The following SMARCA4 variants were observed in gnomAD, a reference collection of about 807,000 sequenced individuals.
SMARCA4 encodes SWI/SNF-related matrix-associated actin-dependent regulator of chromatin subfamily A member 4.
A neutral mutation model predicts 193.9 loss-of-function variants in SMARCA4; 31 were observed. The ratio of observed to expected loss-of-function variants is 0.16; its 90% confidence interval spans 0.12 to 0.22. The LOEUF is 0.22. Ranked by LOEUF, SMARCA4 falls within the 10% of genes least tolerant of loss-of-function variation. SMARCA4 has a pLI of 1.00. For synonymous variants in SMARCA4, 942 were observed against 933.1 expected (o/e 1.01, Z -0.17); for missense variants, 1,148 against 2,296.0 (o/e 0.50, Z 10.22).
chr19:11,019,302 G>A lies in SMARCA4; in HGVS notation c.2505+279G>A, dbSNP rs2089648967. ...CCTGAGATGGGGACCCAGGAAGAGG[G>A]GAGCCTGTCAGCCACCAGGAATGTG... On this transcript the variant is annotated intron_variant, in intron 17 of 34. Transcript: ENST00000344626. The surrounding 1 kb of genome is among the most constrained non-coding windows in gnomAD (Gnocchi z 6.1). 5.0e-6 allele frequency: 3 copies of A among 605,712 alleles called. No individual in the cohort carries two copies. The highest frequency in any genetic ancestry group is 1.8e-5 in the African/African-American group (1 of 54,162). 37.5% of individuals were successfully genotyped at this position (605,712 alleles called of 1,614,324 possible). A position where few individuals can be genotyped will look rare whatever the true frequency, so the allele number is the denominator to read the frequency against.
At chr19:11,014,693 C>G (rs1312595849) in intron 16 of SMARCA4, among the ~76,000 whole-genome samples, 1 of 152,212 alleles carries the variant, frequency 6.6e-6, no homozygotes, top group Non-Finnish European at 1.5e-5. Context: ...CTCAGATCAC[C>G]ATCTCTGCTG....
chr19:11,061,204 A>ATATATATAT (rs1471127800), intron 34 of SMARCA4, among the ~76,000 whole-genome samples: 4 of 45,216 alleles, frequency 8.8e-5, no homozygotes, highest in Non-Finnish European at 1.1e-4. Context: ...AAAAAAAAAA[A>ATATATATAT]ATATATATAT....
chr19:10,993,114 C>T (rs1402030638), intron 8 of SMARCA4, among the ~76,000 whole-genome samples: 1 of 151,342 alleles, frequency 6.6e-6, no homozygotes, highest in African/African-American at 2.4e-5. Flanking sequence ...GCCACCTGAG[C>T]AGCTGGAATT....
At chr19:10,993,849 G>T (rs2086772307) in intron 8 of SMARCA4, among the ~76,000 whole-genome samples, 1 of 151,762 alleles carries the variant, frequency 6.6e-6, no homozygotes, top group Admixed American at 6.6e-5. Flanking sequence ...GTTTCACCAT[G>T]TTAGCCAGGA....
chr19:10,965,813 A>T (rs538411489), intron 1 of SMARCA4, among the ~76,000 whole-genome samples: 5 of 152,114 alleles, frequency 3.3e-5, no homozygotes, highest in South Asian at 2.1e-4. Context: ...TCTTTAAAAA[A>T]TTTTTCTAAT....
rs2089013312 is a variant in SMARCA4 at position 11,013,118 on chromosome 19, T to C, written c.2438+6T>C. 1.2e-6 allele frequency: 2 copies of C among 1,613,834 alleles called. No homozygotes were observed. Among genetic ancestry groups the C allele is most frequent in the Non-Finnish European group, 8.5e-7 (1 of 1,179,932 alleles). ...CTCATCATCGTGCCTCTCTCGTGAG[T>C]ACCCGCTGCCAGCAACATCCCACAC... On this transcript the variant is annotated splice_donor_region_variant and intron_variant, in intron 16 of 34. Transcript: ENST00000344626.
intron 23 of SMARCA4, 151 bp downstream of exon 23, chr19:11,026,497 C>CTT (rs35017701): frequency 0.019 from 7,890 of 410,422 alleles, 2 homozygotes; most frequent in South Asian, 0.03. Flanking sequence ...TAATACAAAT[C>CTT]TTTTTTTTTT....
At chr19:10,971,490 CTT>C (rs59060453) in intron 1 of SMARCA4, among the ~76,000 whole-genome samples, 13 of 134,916 alleles carry the variant, frequency 9.6e-5, no homozygotes, top group South Asian at 2.4e-4. Context: ...GACATTGTGT[CTT>C]TTTTTTTTTT....
At chr19:10,961,265 C>G (rs1265452478) in intron 1 of SMARCA4, 91 bp downstream of exon 1, 2 of 148,762 alleles carry the variant, frequency 1.3e-5, no homozygotes, top group South Asian at 4.2e-4. Context: ...AGGGGGCTGC[C>G]GGCGCGCCCT....
chr19:11,055,384 A>G (rs60707335), intron 30 of SMARCA4, among the ~76,000 whole-genome samples: 14,355 of 152,078 alleles, frequency 0.094, 1,238 homozygotes, highest in African/African-American at 0.23. Context: ...GAGACGGGGT[A>G]TCACTATCTT....
At chr19:11,018,386 A>C in intron 16 of SMARCA4, 1 of 236,840 alleles carries the variant, frequency 4.2e-6, no homozygotes, top group Non-Finnish European at 8.5e-6. Flanking sequence ...CCCTCATTCC[A>C]GCCCTGGTCA....
In SMARCA4 at chr19:11,061,813, C is replaced by T. The variant is rs2147158627; in HGVS notation, c.4941C>T (p.Asp1647=). ...EDRSGSGSEE[D] Reference sequence around the variant, plus strand: ...GCTCAGGAAGTGGCAGCGAAGAAGACTGAGCCCCGACATTCCAGTCTCGAC... The same window carrying T: ...GCTCAGGAAGTGGCAGCGAAGAAGATTGAGCCCCGACATTCCAGTCTCGAC... The change falls in exon 35 of 35, where the codon GAC becomes GAT. Residue 1647 remains aspartate (D), a synonymous_variant. Transcript: ENST00000344626. The T allele has an allele frequency of 1.2e-6, 2 of 1,614,072 alleles. No individual in the cohort carries two copies. The highest frequency in any genetic ancestry group is 1.7e-6 in the Non-Finnish European group (2 of 1,180,012).
intron 30 of SMARCA4, among the ~76,000 whole-genome samples, chr19:11,042,013 T>C (rs1003736963): frequency 6.6e-6 from 1 of 152,154 alleles, no homozygotes; most frequent in African/African-American, 2.4e-5. Flanking sequence ...GGCTGGCATG[T>C]CTGGAGCAGA....
In SMARCA4 at chr19:11,012,708, C is replaced by T. The variant is rs144882478; in HGVS notation, c.2275-241C>T. 2.5e-5 allele frequency: 14 copies of T among 558,294 alleles called. No homozygotes were observed. The East Asian group carries it at 3.9e-4, about 15-fold the overall frequency. The allele number at this position is 558,294 out of a possible 1,614,324, so 34.6% of individuals were successfully genotyped here. ...CTGTTGAGATGTGTATTAGAAATGTCACACGTGTCCATCGTTCGCACAGTC... is the reference window on the plus strand; with the variant it reads ...CTGTTGAGATGTGTATTAGAAATGTTACACGTGTCCATCGTTCGCACAGTC... On this transcript the variant is annotated intron_variant, in intron 15 of 34. Transcript: ENST00000344626.
At chr19:11,023,972 C>T (rs1312401695) in intron 20 of SMARCA4, among the ~76,000 whole-genome samples, 1 of 152,226 alleles carries the variant, frequency 6.6e-6, no homozygotes, top group African/African-American at 2.4e-5. Context: ...GTTTTCAAGG[C>T]CTGCTGCAGC....
rs2145845503 is a variant in SMARCA4, at chr19:10,989,297, C to G, written c.1119-20C>G. 6.2e-7 allele frequency: 1 copy of G among 1,613,710 alleles called. No individual in the cohort carries two copies. Among genetic ancestry groups the G allele is most frequent in the East Asian group, 2.2e-5 (1 of 44,876 alleles). On this transcript the variant is annotated intron_variant, in intron 6 of 34. Transcript: ENST00000344626. ...CCTGGCAACCCTCTCACCGCCTTTGCTCCTTGTCTCTGCTCCCAGGCTGCA... is the reference window on the plus strand; with the variant it reads ...CCTGGCAACCCTCTCACCGCCTTTGGTCCTTGTCTCTGCTCCCAGGCTGCA...
At position 10,989,457 on chromosome 19, in the gene SMARCA4, T is replaced by G. The variant is rs749138449; in HGVS notation, c.1245+14T>G. ...TTCCAGAGGCAGGTGGGTGCTGGCATGGCCGCAGCTTTCCGAAAAGGGCCT... is the reference window on the plus strand; with the variant it reads ...TTCCAGAGGCAGGTGGGTGCTGGCAGGGCCGCAGCTTTCCGAAAAGGGCCT... On this transcript the variant is annotated intron_variant, in intron 7 of 34. Transcript: ENST00000344626. The G allele has an allele frequency of 1.2e-6, 2 of 1,613,676 alleles. No individual in the cohort carries two copies. The highest frequency in any genetic ancestry group is 1.7e-6 in the Non-Finnish European group (2 of 1,179,896).
At chr19:11,055,972 C>G (rs928813616) in intron 30 of SMARCA4, among the ~76,000 whole-genome samples, 8 of 152,096 alleles carry the variant, frequency 5.3e-5, no homozygotes, top group African/African-American at 1.9e-4. Flanking sequence ...TTCTGTTGCC[C>G]CTGCCTGTGC....
At position 11,060,188 on chromosome 19, in the gene SMARCA4, G is replaced by A. The variant is rs1341783002; in HGVS notation, c.4911+1G>A. ...TGACAGTGAGGAGGAACAAGAGGAG[G>A]TGAGGCCGGGCCCCCGAGCAGGCAG... On this transcript the variant is annotated splice_donor_variant, in intron 34 of 34. Transcript: ENST00000344626. LOFTEE classifies it high-confidence loss of function. 2 of 1,550,668 alleles carry A rather than the reference G, an allele frequency of 1.3e-6. No individual in the cohort carries two copies. The highest frequency in any genetic ancestry group is 1.4e-5 in the African/African-American group (1 of 73,036).
Sources: gnomAD v4.1 joint callset for allele counts (sites outside exome capture counted in the v4.1 genomes callset) on GRCh38, gnomAD v4.1.1 for gene constraint, Gnocchi (gnomAD v3.1) non-coding constraint, MANE v1.5 for transcripts, NCBI Gene and HGNC (gene_info 2026-07-23, HGNC 2026-07-21) for gene names.